PDZRN4: variants seen among roughly 807,000 people sequenced by gnomAD.
PDZRN4 encodes PDZ domain containing ring finger 4.
PDZRN4 carries 70 observed loss-of-function variants against 99.0 expected under a neutral mutation model. That is an observed-to-expected ratio of 0.71 (90% confidence interval 0.58 to 0.86). PDZRN4 has a LOEUF of 0.86. Ranked by LOEUF, PDZRN4 falls within the 40% of genes least tolerant of loss-of-function variation. The pLI is 0.00. For synonymous variants in PDZRN4, 551 were observed against 501.6 expected (o/e 1.10, Z -1.32); for missense variants, 1,474 against 1,331.2 (o/e 1.11, Z -1.67).
intron 3 of PDZRN4, among the ~76,000 whole-genome samples, chr12:41,263,660 C>G (rs751466781): frequency 6.6e-6 from 1 of 152,124 alleles, no homozygotes; most frequent in Non-Finnish European, 1.5e-5. Flanking sequence ...GCACTCCAGC[C>G]TGGGCAACAG....
chr12:41,504,586 G>T (rs527469399), intron 3 of PDZRN4, among the ~76,000 whole-genome samples: 18 of 152,212 alleles, frequency 1.2e-4, no homozygotes, highest in African/African-American at 4.3e-4. Flanking sequence ...TTCGTTCTGG[G>T]ATTTCTTATA....
At chr12:41,301,657 T>C (rs1389458335) in intron 3 of PDZRN4, among the ~76,000 whole-genome samples, 1 of 152,108 alleles carries the variant, frequency 6.6e-6, no homozygotes, top group Non-Finnish European at 1.5e-5. Flanking sequence ...CTAACAGCTA[T>C]TTTATAAGCA....
intron 3 of PDZRN4, among the ~76,000 whole-genome samples, chr12:41,467,693 G>A (rs1235098114): frequency 2.0e-5 from 3 of 152,178 alleles, no homozygotes; most frequent in Non-Finnish European, 4.4e-5. Context: ...CACAGAGCCA[G>A]CCATGGACTC....
intron 3 of PDZRN4, among the ~76,000 whole-genome samples, chr12:41,264,023 T>C (rs996004642): frequency 7.9e-5 from 12 of 152,128 alleles, no homozygotes; most frequent in Non-Finnish European, 1.6e-4. Context: ...TTCAGCAATA[T>C]TTGAAAATAT....
chr12:41,283,276 T>A (rs1215531842), intron 3 of PDZRN4, among the ~76,000 whole-genome samples: 1 of 152,126 alleles, frequency 6.6e-6, no homozygotes, highest in Non-Finnish European at 1.5e-5. Flanking sequence ...AATGGATAAA[T>A]TCCTGGATAC....
At chr12:41,395,629 G>A (rs560033422) in intron 3 of PDZRN4, among the ~76,000 whole-genome samples, 80 of 151,966 alleles carry the variant, frequency 5.3e-4, no homozygotes, top group African/African-American at 1.8e-3. Flanking sequence ...TTAAAATTTG[G>A]GTCTTTAGTG....
intron 3 of PDZRN4, among the ~76,000 whole-genome samples, chr12:41,329,696 T>G (rs1349423301): frequency 6.6e-6 from 1 of 152,150 alleles, no homozygotes; most frequent in Non-Finnish European, 1.5e-5. Flanking sequence ...AAAATGAGAT[T>G]CTTAATTGCT....
rs543568510 is a variant in PDZRN4, at chr12:41,433,120, G to A, written c.844-73336G>A. Among the ~76,000 whole-genome samples, 17 of 152,296 alleles carry A rather than the reference G, an allele frequency of 1.1e-4. No individual in the cohort carries two copies. In the East Asian group the frequency reaches 2.7e-3, roughly 24 times the overall value. Reference sequence around the variant, plus strand: ...AAATTTCAGCATTTTAATACATAAAGTTTACATCTTTAACCACAAGCCATT... The same window carrying A: ...AAATTTCAGCATTTTAATACATAAAATTTACATCTTTAACCACAAGCCATT... On this transcript the variant is annotated intron_variant, in intron 3 of 9. Coordinates refer to ENST00000402685, the MANE Select transcript of PDZRN4 (RefSeq NM_001164595.2).
chr12:41,387,216 C>T (rs1049119516), intron 3 of PDZRN4, among the ~76,000 whole-genome samples: 2 of 152,008 alleles, frequency 1.3e-5, no homozygotes, highest in African/African-American at 4.8e-5. Context: ...CAAACTATTC[C>T]TCTAACAAAG....
At chr12:41,475,240 T>G (rs1444491745) in intron 3 of PDZRN4, among the ~76,000 whole-genome samples, 1 of 152,204 alleles carries the variant, frequency 6.6e-6, no homozygotes, top group Non-Finnish European at 1.5e-5. Context: ...GCCATGCTCT[T>G]GAGTCTATAA....
At chr12:41,396,861 G>C (rs1250887954) in intron 3 of PDZRN4, among the ~76,000 whole-genome samples, 1 of 152,062 alleles carries the variant, frequency 6.6e-6, no homozygotes, top group African/African-American at 2.4e-5. Context: ...TCATATTTTT[G>C]AGACATATTT....
chr12:41,287,351 A>C (rs899766074), intron 3 of PDZRN4, among the ~76,000 whole-genome samples: 1 of 152,208 alleles, frequency 6.6e-6, no homozygotes, highest in Non-Finnish European at 1.5e-5. Flanking sequence ...TTTCTAGCTC[A>C]AAATTGTATC....
At chr12:41,288,063 T>C (rs1427474406) in intron 3 of PDZRN4, among the ~76,000 whole-genome samples, 1 of 152,198 alleles carries the variant, frequency 6.6e-6, no homozygotes, top group Non-Finnish European at 1.5e-5. Context: ...TTGATGTGTA[T>C]ACAACAATAT....
In PDZRN4 at chr12:41,572,650, G is replaced by C. The variant is rs759263589; in HGVS notation, c.1871G>C (p.Cys624Ser). The C allele has an allele frequency of 1.2e-5, 19 of 1,614,184 alleles. No individual in the cohort carries two copies. The highest frequency in any genetic ancestry group is 1.4e-5 in the Non-Finnish European group (17 of 1,180,016). Reference sequence around the variant, plus strand: ...TGCATTGGCAACCCAGATGAGGACTGTGAAAGATTCAGGCAGCTCTTGGAG... The same window carrying C: ...TGCATTGGCAACCCAGATGAGGACTCTGAAAGATTCAGGCAGCTCTTGGAG... Reference protein sequence around the residue: ...SDCIGNPDEDCERFRQLLELK... With the variant: ...SDCIGNPDEDSERFRQLLELK... Residue 624 changes from cysteine to serine, a missense_variant, in exon 10 of 10, where the codon TGT becomes TCT. Coordinates refer to ENST00000402685, the MANE Select transcript of PDZRN4 (RefSeq NM_001164595.2).
intron 3 of PDZRN4, among the ~76,000 whole-genome samples, chr12:41,207,434 A>G (rs193075795): frequency 9.2e-5 from 14 of 151,976 alleles, no homozygotes; most frequent in African/African-American, 1.2e-4. Flanking sequence ...GTTATATTTC[A>G]TACAGTATGC....
chr12:41,555,241 A>AAAAAGAAAAGAAAGAAAAG (rs537949764), intron 6 of PDZRN4, among the ~76,000 whole-genome samples: 7 of 119,964 alleles, frequency 5.8e-5, no homozygotes, highest in African/African-American at 2.3e-4. Flanking sequence ...AAAAAAAAAA[A>AAAAAGAAAAGAAAGAAAAG]AAAAAAAAGA....
chr12:41,284,239 C>T (rs539098730), intron 3 of PDZRN4, among the ~76,000 whole-genome samples: 1 of 152,268 alleles, frequency 6.6e-6, no homozygotes, highest in East Asian at 1.9e-4. Context: ...AGAGCCAAAT[C>T]ATGAGCAAAC....
At chr12:41,338,516 A>G (rs1275042072) in intron 3 of PDZRN4, among the ~76,000 whole-genome samples, 1 of 152,006 alleles carries the variant, frequency 6.6e-6, no homozygotes, top group Non-Finnish European at 1.5e-5. Flanking sequence ...TCAACCAACC[A>G]AACTATTGGT....
At chr12:41,516,709 G>A (rs1015221076) in intron 5 of PDZRN4, among the ~76,000 whole-genome samples, 1 of 151,692 alleles carries the variant, frequency 6.6e-6, no homozygotes, top group Non-Finnish European at 1.5e-5. Flanking sequence ...GTCTGTTAGG[G>A]TACCTATACA....
Sources: allele counts gnomAD v4.1 joint callset (sites outside exome capture counted in the v4.1 genomes callset), GRCh38; gene constraint gnomAD v4.1.1; transcripts MANE v1.5; gene names NCBI Gene and HGNC (gene_info 2026-07-23, HGNC 2026-07-21).